The following CNOT4 variants were observed in gnomAD, a reference collection of about 807,000 sequenced individuals.
CNOT4 encodes the protein CCR4-NOT transcription complex subunit 4.
In CNOT4, 8 loss-of-function variants were observed where a neutral mutation model predicts 73.8. That is an observed-to-expected ratio of 0.11 (90% confidence interval 0.06 to 0.20). The LOEUF (loss-of-function observed/expected upper bound fraction) is 0.20, where lower values mean the gene tolerates loss of function less well. Among genes scored for constraint, CNOT4 ranks in the 10% least tolerant of loss-of-function variants. The pLI is 1.00. For missense variants in CNOT4, 564 were observed against 883.4 expected (o/e 0.64, Z 4.58); for synonymous variants, 293 against 321.1 (o/e 0.91, Z 0.94).
intron 10 of CNOT4, among the ~76,000 whole-genome samples, chr7:135,385,071 T>C (rs1176806480): frequency 6.6e-6 from 1 of 152,276 alleles, no homozygotes; most frequent in East Asian, 1.9e-4. Context: ...GCCAACTTAT[T>C]TGCACTGGCC....
chr7:135,483,720 G>C (rs1016592102), intron 1 of CNOT4, among the ~76,000 whole-genome samples: 7 of 151,938 alleles, frequency 4.6e-5, no homozygotes, highest in African/African-American at 1.7e-4. Flanking sequence ...ACCACTCGGG[G>C]GGCTGAGGTA....
intron 1 of CNOT4, among the ~76,000 whole-genome samples, chr7:135,483,118 T>G (rs186898134): frequency 1.3e-5 from 2 of 151,538 alleles, no homozygotes; most frequent in Non-Finnish European, 2.9e-5. Context: ...GAGGACTGCT[T>G]GAGCCCTGGC....
chr7:135,449,222 T>A (rs1383869773), intron 1 of CNOT4, among the ~76,000 whole-genome samples: 1 of 152,104 alleles, frequency 6.6e-6, no homozygotes, highest in Non-Finnish European at 1.5e-5. Context: ...AGTGACTACC[T>A]CTAAGGAAAG....
chr7:135,386,406 T>TAAC (rs200957263), intron 10 of CNOT4: 5 of 152,104 alleles, frequency 3.3e-5, no homozygotes, highest in African/African-American at 7.2e-5. Context: ...TGCAGGAATT[T>TAAC]AACAACAACA....
At chr7:135,420,757 G>T (rs1293387039) in intron 3 of CNOT4, among the ~76,000 whole-genome samples, 1 of 151,712 alleles carries the variant, frequency 6.6e-6, no homozygotes, top group African/African-American at 2.4e-5. Flanking sequence ...AAGGATTAGT[G>T]CAAAGTTGAG....
rs2129484535 is a variant in CNOT4, at chr7:135,422,143, C to T, written c.372+13G>A. 6.5e-7 allele frequency: 1 copy of T among 1,546,342 alleles called. No homozygotes were observed. The highest frequency in any genetic ancestry group is 2.3e-5 in the East Asian group (1 of 44,430). ...AAAAATATCAAGATGACAAAGAAAA[C>T]AAGAGGACTTACCTCTGGGTCTGCT... On this transcript the variant is annotated intron_variant, in intron 3 of 11. Transcript: ENST00000541284.
At position 135,415,274 on chromosome 7, in the gene CNOT4, G is replaced by A. The variant is rs1279287367; in HGVS notation, c.373-12C>T. On this transcript the variant is annotated splice_polypyrimidine_tract_variant and intron_variant, in intron 3 of 11. Coordinates refer to ENST00000541284, the MANE Select transcript of CNOT4 (RefSeq NM_001190850.2). The stretch of plus-strand genomic sequence containing the variant: ...GGTCGTTTTAAAACCTATAAAAGAA[G>A]AAGAAATAAGGTATAAACTGTCCCC... 4 of 1,399,968 alleles carry A rather than the reference G, an allele frequency of 2.9e-6. No homozygotes were observed. The highest frequency in any genetic ancestry group is 4.1e-6 in the Non-Finnish European group (4 of 986,672). 86.7% of individuals were successfully genotyped at this position (1,399,968 alleles called of 1,614,324 possible). A position where few individuals can be genotyped will look rare whatever the true frequency, so the allele number is the denominator to read the frequency against.
At chr7:135,374,187 G>C (rs534428856) in intron 10 of CNOT4, among the ~76,000 whole-genome samples, 4 of 152,170 alleles carry the variant, frequency 2.6e-5, no homozygotes, top group African/African-American at 9.6e-5. Flanking sequence ...TAAACTCAAA[G>C]ACTTTGTAGT....
chr7:135,463,993 A>T (rs1801054395), intron 1 of CNOT4, among the ~76,000 whole-genome samples: 1 of 148,504 alleles, frequency 6.7e-6, no homozygotes. Context: ...GTATCATCTC[A>T]CACCAATCAG....
chr7:135,423,849 C>A (rs918715219), intron 2 of CNOT4, among the ~76,000 whole-genome samples: 4 of 152,052 alleles, frequency 2.6e-5, no homozygotes, highest in Admixed American at 2.6e-4. Flanking sequence ...GGAAGGCATA[C>A]AAAGCAGCTT....
In CNOT4 at chr7:135,404,124, G is replaced by A. The variant is rs149600365; in HGVS notation, c.822-5898C>T. Among the ~76,000 whole-genome samples, 6 of 152,224 alleles carry A rather than the reference G, an allele frequency of 3.9e-5. No homozygotes were observed. The East Asian group carries it at 9.7e-4, about 24-fold the overall frequency. On this transcript the variant is annotated intron_variant, in intron 7 of 11. Transcript: ENST00000541284. ...CCAGTTCACTTACTAGTTTTTCACT[G>A]CATATGCACATGTGCACTAACTCTG...
chr7:135,457,697 C>A (rs937681616), intron 1 of CNOT4, among the ~76,000 whole-genome samples: 1 of 151,838 alleles, frequency 6.6e-6, no homozygotes, highest in African/African-American at 2.4e-5. Context: ...TTTTCCATAC[C>A]CAAAGGGAAA....
intron 1 of CNOT4, among the ~76,000 whole-genome samples, chr7:135,496,969 G>A (rs149347203): frequency 0.015 from 2,210 of 151,926 alleles, 21 homozygotes; most frequent in Non-Finnish European, 0.023. Flanking sequence ...ACCAAGCCTG[G>A]ATAATTATTT....
Position 135,410,647 on chromosome 7 carries a change from G to A in CNOT4, c.689C>T (p.Ala230Val), listed in dbSNP as rs200823409. ...AASFTKEEMQAGKHQEYEQKL... is the reference protein window; with the variant it reads ...AASFTKEEMQVGKHQEYEQKL... ...CTGTTCATATTCTTGGTGTTTACCCGCCTAACGAAAGAAGAAATTAAAACT... is the reference window on the plus strand; with the variant it reads ...CTGTTCATATTCTTGGTGTTTACCCACCTAACGAAAGAAGAAATTAAAACT... Residue 230 changes from alanine (A) to valine (V), a missense_variant and splice_region_variant, in exon 7 of 12, where the codon GCG becomes GTG. By Grantham distance (64) the Ala-to-Val change is moderately conservative. Around this residue, in one of 10 missense-constraint regions of CNOT4, gnomAD observed 14 missense variants for 69.5 expected, o/e 0.20. Transcript: ENST00000541284. 1.3e-5 allele frequency: 20 copies of A among 1,575,858 alleles called. No individual in the cohort carries two copies. In the East Asian group the frequency reaches 2.4e-4, roughly 19 times the overall value.
intron 3 of CNOT4, among the ~76,000 whole-genome samples, chr7:135,420,577 CAAAAAAAAAA>C (rs71174521): frequency 4.1e-4 from 22 of 53,372 alleles, no homozygotes; most frequent in African/African-American, 1.1e-3. Flanking sequence ...ACCATGTCTC[CAAAAAAAAAA>C]AAAAAAAAAA....
chr7:135,365,444 G>A (rs1270493125), intron 10 of CNOT4, among the ~76,000 whole-genome samples: 1 of 151,916 alleles, frequency 6.6e-6, no homozygotes, highest in Admixed American at 6.6e-5. Flanking sequence ...GGTTTACAAG[G>A]CACTCTCATA....
chr7:135,391,338 C>A (rs995625480), intron 10 of CNOT4, among the ~76,000 whole-genome samples: 13 of 151,920 alleles, frequency 8.6e-5, no homozygotes, highest in Admixed American at 8.5e-4. Context: ...AATTTTGGTA[C>A]ATTAAAACTA....
intron 10 of CNOT4, chr7:135,384,795 C>T: frequency 1.3e-6 from 1 of 748,118 alleles, no homozygotes; most frequent in Non-Finnish European, 2.4e-6. Flanking sequence ...ATCTACCACC[C>T]ATCTAGTTAG....
At chr7:135,488,131 AT>A (rs917558367) in intron 1 of CNOT4, among the ~76,000 whole-genome samples, 1 of 151,948 alleles carries the variant, frequency 6.6e-6, no homozygotes, top group Admixed American at 6.6e-5. Flanking sequence ...GTTTTCAAGG[AT>A]TTTTTTCAAA....
Sources: gnomAD v4.1 joint callset for allele counts (sites outside exome capture counted in the v4.1 genomes callset) on GRCh38, gnomAD v4.1.1 for gene constraint, gnomAD v4.1.1 regional missense constraint, MANE v1.5 for transcripts, NCBI Gene and HGNC (gene_info 2026-07-23, HGNC 2026-07-21) for gene names.